SSBP3: variants seen among roughly 807,000 people sequenced by gnomAD.
SSBP3 encodes single-stranded DNA-binding protein 3.
Under a neutral mutation model 69.6 loss-of-function variants are expected in SSBP3, and 5 were observed. That is an observed-to-expected ratio of 0.07 (90% CI 0.04 to 0.15). The LOEUF (loss-of-function observed/expected upper bound fraction) is 0.15, where lower values mean the gene tolerates loss of function less well. Among genes scored for constraint, SSBP3 ranks in the 10% least tolerant of loss-of-function variants. SSBP3 has a pLI of 1.00. For synonymous variants in SSBP3, 196 were observed against 193.4 expected (o/e 1.01, Z -0.11); for missense variants, 312 against 534.0 (o/e 0.58, Z 4.10).
chr1:54,312,214 G>A (rs746622626), intron 4 of SSBP3, among the ~76,000 whole-genome samples: 3 of 151,964 alleles, frequency 2.0e-5, no homozygotes, highest in Non-Finnish European at 4.4e-5. Context: ...GTGGAGGTCA[G>A]GAGTTTGAGG....
intron 5 of SSBP3, among the ~76,000 whole-genome samples, chr1:54,265,074 C>T (rs1042553756): frequency 6.6e-6 from 1 of 152,134 alleles, no homozygotes; most frequent in African/African-American, 2.4e-5. Context: ...CAGAAAATGG[C>T]GTAAGCTCAG....
intron 4 of SSBP3, among the ~76,000 whole-genome samples, chr1:54,283,462 C>T (rs879683661): frequency 1.3e-5 from 2 of 152,176 alleles, no homozygotes; most frequent in South Asian, 2.1e-4. Flanking sequence ...GCAAGCCACT[C>T]GGACTTTCTG....
intron 15 of SSBP3, 24 bp from the exon 16 acceptor site, chr1:54,228,501 T>G: frequency 6.2e-7 from 1 of 1,614,074 alleles, no homozygotes; most frequent in Middle Eastern, 1.7e-4. Flanking sequence ...ATAATCCAAT[T>G]CAGTTTCTTG....
intron 4 of SSBP3, among the ~76,000 whole-genome samples, chr1:54,344,414 C>T (rs1646656194): frequency 2.0e-5 from 3 of 152,096 alleles, no homozygotes; most frequent in Non-Finnish European, 2.9e-5. Flanking sequence ...CTTGAAGCCC[C>T]CTTTTGAGAA....
At chr1:54,404,488 G>C (rs1310084251) in intron 3 of SSBP3, 88 bp downstream of exon 3, 15 of 1,511,646 alleles carry the variant, frequency 9.9e-6, no homozygotes, top group African/African-American at 1.4e-5. Context: ...AGGGCGGAGG[G>C]CCTGCTCCAA....
At chr1:54,277,702 A>G (rs1047292398) in intron 5 of SSBP3, among the ~76,000 whole-genome samples, 20 of 152,214 alleles carry the variant, frequency 1.3e-4, no homozygotes, top group Non-Finnish European at 1.9e-4. Context: ...CCTGTACCCA[A>G]TGCTCAGTTC....
rs548684566 is a variant in SSBP3, at chr1:54,379,572, A to G, written c.276+22289T>C. On this transcript the variant is annotated intron_variant, in intron 4 of 17. Transcript: ENST00000610401. ...GAGACATGATCCCACCACATTTTAC[A>G]TGAACAAAGCAAATCTGACATCCAC... is the stretch of plus-strand genomic sequence containing the variant. Among the ~76,000 whole-genome samples the G allele has an allele frequency of 7.2e-5, 11 of 152,340 alleles. No homozygotes were observed. In the South Asian group the frequency reaches 2.1e-3, roughly 29 times the overall value.
intron 4 of SSBP3, among the ~76,000 whole-genome samples, chr1:54,354,440 G>A (rs939482212): frequency 6.6e-6 from 1 of 152,142 alleles, no homozygotes; most frequent in Non-Finnish European, 1.5e-5. Flanking sequence ...GGAGAGACAC[G>A]AGGCAGTGGG....
At chr1:54,403,351 A>G (rs191417750) in intron 3 of SSBP3, among the ~76,000 whole-genome samples, 2 of 152,310 alleles carry the variant, frequency 1.3e-5, no homozygotes, top group East Asian at 3.9e-4. Context: ...GGTTTCTAAC[A>G]CTACAAATTC....
chr1:54,365,649 T>C (rs1336488267), intron 4 of SSBP3, among the ~76,000 whole-genome samples: 2 of 152,102 alleles, frequency 1.3e-5, no homozygotes, highest in African/African-American at 4.8e-5. Flanking sequence ...AGGTACTCCC[T>C]TGTCTGCCGC....
chr1:54,227,604 G>A (rs531604536), intron 17 of SSBP3, among the ~76,000 whole-genome samples: 191 of 152,236 alleles, frequency 1.3e-3, no homozygotes, highest in African/African-American at 4.4e-3. Context: ...TTGAGACAAG[G>A]TCTCACTCTG....
At chr1:54,340,601 G>A (rs1051393337) in intron 4 of SSBP3, among the ~76,000 whole-genome samples, 2 of 152,238 alleles carry the variant, frequency 1.3e-5, no homozygotes, top group Non-Finnish European at 2.9e-5. Flanking sequence ...GTTACTCTGG[G>A]AATGGTGCAA....
rs181521413 is a variant in SSBP3, at chr1:54,304,882, A to G, written c.277-23355T>C. Among the ~76,000 whole-genome samples, 41 of 152,264 alleles carry G rather than the reference A, an allele frequency of 2.7e-4. No individual in the cohort carries two copies. The East Asian group carries it at 7.7e-3, about 29-fold the overall frequency. ...GTAGCTGCTGAGAAGGCAATCACAG[A>G]TAAACAGAGAAACACATTCTCAGAG... On this transcript the variant is annotated intron_variant, in intron 4 of 17. Coordinates refer to ENST00000610401, the Ensembl canonical transcript of SSBP3.
chr1:54,241,023 C>T, intron 12 of SSBP3, 64 bp from the exon 13 acceptor site: 2 of 1,525,268 alleles, frequency 1.3e-6, no homozygotes, highest in South Asian at 1.2e-5. Context: ...GAGGGGCCGG[C>T]ATCCTCCCTC....
Position 54,243,220 on chromosome 1 carries a change from T to C in SSBP3, c.716+15A>G. On this transcript the variant is annotated intron_variant, in intron 10 of 17. Coordinates refer to ENST00000610401, the Ensembl canonical transcript of SSBP3. ...CCTGGACTCTGAGCCACGGGCCGGG[T>C]CGTTTTTGCCTTACATGTTAATCCC... 1 of 1,613,336 alleles carries C rather than the reference T, an allele frequency of 6.2e-7. No homozygotes were observed. The highest frequency in any genetic ancestry group is 8.5e-7 in the Non-Finnish European group (1 of 1,179,484).
chr1:54,391,184 A>AG (rs1648466973), intron 4 of SSBP3, among the ~76,000 whole-genome samples: 1 of 152,154 alleles, frequency 6.6e-6, no homozygotes, highest in African/African-American at 2.4e-5. Context: ...CACATCTGAA[A>AG]CAGCCTTCTC....
At chr1:54,407,711 C>A (rs1007791273), upstream of SSBP3, among the ~76,000 whole-genome samples, 6 of 145,026 alleles carry the variant, frequency 4.1e-5, no homozygotes, top group Non-Finnish European at 6.0e-5. Context: ...TGTTTGGATA[C>A]ATCTTTAGGG....
intron 4 of SSBP3, among the ~76,000 whole-genome samples, chr1:54,329,263 G>A (rs570377970): frequency 4.9e-4 from 75 of 152,270 alleles, no homozygotes; most frequent in African/African-American, 1.8e-3. Context: ...TTAAAGGGCT[G>A]TTCAAGGCAG....
At chr1:54,294,159 A>AGAAAG (rs1553133244) in intron 4 of SSBP3, among the ~76,000 whole-genome samples, 3 of 86,190 alleles carry the variant, frequency 3.5e-5, no homozygotes, top group Non-Finnish European at 4.5e-5. Flanking sequence ...AAAAAAAAAA[A>AGAAAG]AAAGAAAGAA....
Sources: allele counts gnomAD v4.1 joint callset (sites outside exome capture counted in the v4.1 genomes callset), GRCh38; gene constraint gnomAD v4.1.1; transcripts MANE v1.5; gene names NCBI Gene and HGNC (gene_info 2026-07-23, HGNC 2026-07-21).